The following CMSS1 variants were observed in gnomAD, a reference collection of about 807,000 sequenced individuals.
The protein encoded by CMSS1 is cms1 ribosomal small subunit homolog, also known as protein CMSS1.
Under a neutral mutation model 43.5 loss-of-function variants are expected in CMSS1, and 33 were observed. The ratio of observed to expected loss-of-function variants is 0.76; its 90% CI spans 0.57 to 1.01. The LOEUF is 1.01. CMSS1 is among the 50% of genes least tolerant of loss of function. The probability of loss-of-function intolerance (pLI) is 0.00; values close to 1 mark genes in which losing one functional copy is unlikely to be tolerated. For missense variants in CMSS1, 313 were observed against 326.4 expected (o/e 0.96, Z 0.32); for synonymous variants, 115 against 117.2 (o/e 0.98, Z 0.12).
rs1005736226 is a variant in CMSS1, at chr3:100,179,210, G to A, written c.*822G>A. 6.6e-6 allele frequency: 1 copy of A among 152,168 alleles called. No homozygotes were observed. Among genetic ancestry groups the A allele is most frequent in the African/African-American group, 2.4e-5 (1 of 41,428 alleles). 9.4% of individuals were successfully genotyped at this position (152,168 alleles called of 1,614,324 possible). The stretch of plus-strand genomic sequence containing the variant: ...CATAAGATTCGGGTGGAGACACAGA[G>A]CCAAACCATGTCAATTCCACCCCGG... On this transcript the variant is annotated 3_prime_UTR_variant, in exon 10 of 10. Coordinates refer to ENST00000421999, the MANE Select transcript of CMSS1 (RefSeq NM_032359.4).
intron 1 of CMSS1, among the ~76,000 whole-genome samples, chr3:99,985,781 G>A (rs953441534): frequency 6.6e-6 from 1 of 152,052 alleles, no homozygotes; most frequent in Non-Finnish European, 1.5e-5. Context: ...TAGAGATGGG[G>A]TTTCCCCATG....
intron 1 of CMSS1, among the ~76,000 whole-genome samples, chr3:99,857,301 A>G (rs1419882338): frequency 6.6e-6 from 1 of 152,214 alleles, no homozygotes; most frequent in Non-Finnish European, 1.5e-5. Context: ...ATAGCTACAG[A>G]GCCTCTAGAA....
chr3:99,907,005 T>C (rs1285001085), intron 1 of CMSS1, among the ~76,000 whole-genome samples: 1 of 152,228 alleles, frequency 6.6e-6, no homozygotes, highest in Non-Finnish European at 1.5e-5. Context: ...ATTTAAATAA[T>C]GTTTAGATAA....
At chr3:100,157,163 A>T (rs2066983138) in intron 2 of CMSS1, among the ~76,000 whole-genome samples, 1 of 151,468 alleles carries the variant, frequency 6.6e-6, no homozygotes, top group African/African-American at 2.4e-5. Flanking sequence ...TTCATTTTTC[A>T]TCTCTTTCTG....
intron 1 of CMSS1, among the ~76,000 whole-genome samples, chr3:100,099,708 G>A (rs771614145): frequency 6.6e-6 from 1 of 152,144 alleles, no homozygotes; most frequent in East Asian, 1.9e-4. Flanking sequence ...AATACCCACC[G>A]TGTGCCAGAC....
At chr3:100,089,000 A>G (rs1472975312) in intron 1 of CMSS1, among the ~76,000 whole-genome samples, 2 of 152,204 alleles carry the variant, frequency 1.3e-5, no homozygotes, top group Non-Finnish European at 2.9e-5. Flanking sequence ...CACTCTCCAG[A>G]GAGAAAGTAT....
At chr3:100,019,892 T>C (rs1258298625) in intron 1 of CMSS1, among the ~76,000 whole-genome samples, 3 of 152,178 alleles carry the variant, frequency 2.0e-5, no homozygotes, top group Non-Finnish European at 4.4e-5. Context: ...ACAGTGACTC[T>C]TTTTTTCACT....
intron 1 of CMSS1, among the ~76,000 whole-genome samples, chr3:99,956,205 C>T (rs537648141): frequency 4.5e-4 from 69 of 152,294 alleles, no homozygotes; most frequent in African/African-American, 1.6e-3. Flanking sequence ...CACTCTCACC[C>T]TTCACAAACA....
At chr3:99,837,616 C>T (rs190535618) in intron 1 of CMSS1, among the ~76,000 whole-genome samples, 19 of 152,262 alleles carry the variant, frequency 1.2e-4, no homozygotes, top group African/African-American at 4.3e-4. Flanking sequence ...TGGGATGCTT[C>T]CTTGGTTTAC....
intron 1 of CMSS1, among the ~76,000 whole-genome samples, chr3:99,827,393 T>C (rs1040935811): frequency 2.6e-5 from 4 of 152,078 alleles, no homozygotes; most frequent in Non-Finnish European, 5.9e-5. Flanking sequence ...AATTTCGCCA[T>C]GTTGACCAGA....
intron 1 of CMSS1, among the ~76,000 whole-genome samples, chr3:100,071,732 C>T (rs181411584): frequency 6.6e-6 from 1 of 152,226 alleles, no homozygotes; most frequent in East Asian, 1.9e-4. Context: ...ACTGCTCCTC[C>T]CCAAATGATC....
chr3:100,126,679 A>G (rs1421859152), intron 1 of CMSS1, among the ~76,000 whole-genome samples: 3 of 152,164 alleles, frequency 2.0e-5, no homozygotes, highest in Non-Finnish European at 4.4e-5. Context: ...ATAGTTAACT[A>G]AGAGCTAGAT....
At chr3:99,924,381 C>T (rs1216680108) in intron 1 of CMSS1, 1 of 1,613,908 alleles carries the variant, frequency 6.2e-7, no homozygotes, top group Non-Finnish European at 8.5e-7. Flanking sequence ...CTGTAAGATT[C>T]TTTATGTTTT....
chr3:100,082,533 A>G (rs1156897972), intron 1 of CMSS1, among the ~76,000 whole-genome samples: 1 of 152,144 alleles, frequency 6.6e-6, no homozygotes, highest in Admixed American at 6.5e-5. Context: ...ACAGCCCATA[A>G]TATCTGAGTG....
At chr3:100,013,856 G>A (rs1001506443) in intron 1 of CMSS1, among the ~76,000 whole-genome samples, 3 of 152,044 alleles carry the variant, frequency 2.0e-5, no homozygotes, top group Admixed American at 6.5e-5. Flanking sequence ...CAATTTTCAA[G>A]TGTACAATAT....
rs568785711 is a variant in CMSS1 at position 99,910,591 on chromosome 3, G to T, written c.64+92548G>T. 1.5e-5 allele frequency among the ~76,000 whole-genome samples: 2 copies of T among 136,132 alleles called. 1 individual carries two copies. The highest frequency in any genetic ancestry group is 4.1e-4 in the East Asian group (2 of 4,904). 89.3% of individuals were successfully genotyped at this position (136,132 alleles called of 152,430 possible). ...AAACAATTTTTGTAGGTAACCTGGG[G>T]AGTATTATGTTTTAGCCCTTAGGCT... On this transcript the variant is annotated intron_variant, in intron 1 of 9. Coordinates refer to ENST00000421999, the MANE Select transcript of CMSS1 (RefSeq NM_032359.4).
intron 1 of CMSS1, among the ~76,000 whole-genome samples, chr3:100,006,272 T>A (rs1289848733): frequency 1.3e-5 from 2 of 152,094 alleles, no homozygotes; most frequent in Non-Finnish European, 2.9e-5. Flanking sequence ...TTATTTAAAT[T>A]TTGTTTTTGT....
chr3:100,027,021 G>A (rs2064936326), intron 1 of CMSS1, among the ~76,000 whole-genome samples: 1 of 152,040 alleles, frequency 6.6e-6, no homozygotes, highest in South Asian at 2.1e-4. Flanking sequence ...TGTCCTTGCT[G>A]TTCCCTATTT....
chr3:99,907,272 G>C (rs1706649143), intron 1 of CMSS1, among the ~76,000 whole-genome samples: 1 of 151,794 alleles, frequency 6.6e-6, no homozygotes, highest in South Asian at 2.1e-4. Flanking sequence ...TTTTGAGACA[G>C]AGTCTCACTC....
Sources: allele counts gnomAD v4.1 joint callset (sites outside exome capture counted in the v4.1 genomes callset), GRCh38; gene constraint gnomAD v4.1.1; transcripts MANE v1.5; gene names NCBI Gene and HGNC (gene_info 2026-07-23, HGNC 2026-07-21).